Variants in ABCC5 observed in about 807,000 individuals in gnomAD.
The protein encoded by ABCC5 is ATP binding cassette subfamily C member 5, also known as ATP-binding cassette sub-family C member 5.
A neutral mutation model predicts 160.9 loss-of-function variants in ABCC5; 61 were observed. That is an observed-to-expected ratio of 0.38 (90% CI 0.31 to 0.47). ABCC5 has a LOEUF of 0.47. ABCC5 is among the 20% of genes least tolerant of loss of function. The pLI, the probability that ABCC5 is intolerant of heterozygous loss-of-function variation, is 0.99. For missense variants in ABCC5, 1,308 were observed against 1,813.3 expected, an observed-to-expected ratio of 0.72 and a Z score of 5.06; for synonymous variants, 666 against 700.6, an observed-to-expected ratio of 0.95 and a Z score of 0.78.
intron 26 of ABCC5, 47 bp downstream of exon 26, chr3:183,937,854 C>T (rs1342807783): frequency 1.2e-6 from 2 of 1,602,352 alleles, no homozygotes; most frequent in Non-Finnish European, 8.5e-7. Context: ...ACATGCTCAT[C>T]TGGCCTCTAA....
chr3:183,964,902 G>T (rs1717077517), intron 14 of ABCC5, among the ~76,000 whole-genome samples: 1 of 152,230 alleles, frequency 6.6e-6, no homozygotes, highest in African/African-American at 2.4e-5. Flanking sequence ...ACGCTTACTT[G>T]TAGTTTTAAA....
rs761387868 is a variant in ABCC5 at position 183,981,922 on chromosome 3, G to A, written c.1000-48C>T. 1.9e-6 allele frequency: 3 copies of A among 1,566,252 alleles called. No homozygotes were observed. In the East Asian group the frequency reaches 6.8e-5, roughly 35 times the overall value. On this transcript the variant is annotated intron_variant, in intron 7 of 29. Transcript: ENST00000334444. ...GCCAAATTAAAGCTCATTCAAACTT[G>A]AGAACTACCTAATCTGCTTAAGGTC...
intron 2 of ABCC5, among the ~76,000 whole-genome samples, chr3:183,998,619 G>A (rs1720470743): frequency 6.6e-6 from 1 of 151,974 alleles, no homozygotes; most frequent in African/African-American, 2.4e-5. Flanking sequence ...TCACAGCAGG[G>A]ATTTCAATCC....
intron 2 of ABCC5, among the ~76,000 whole-genome samples, chr3:183,990,420 G>T (rs755144383): frequency 6.6e-6 from 1 of 152,126 alleles, no homozygotes; most frequent in African/African-American, 2.4e-5. Context: ...ACCACTCTTT[G>T]TGTTCTATGT....
chr3:184,009,069 T>A (rs1267115338), intron 2 of ABCC5, among the ~76,000 whole-genome samples: 1 of 152,182 alleles, frequency 6.6e-6, no homozygotes, highest in Non-Finnish European at 1.5e-5. Context: ...CTCACCATGA[T>A]GCCCAGGTTG....
chr3:184,009,172 G>A (rs997507484), intron 2 of ABCC5, among the ~76,000 whole-genome samples: 2 of 152,098 alleles, frequency 1.3e-5, no homozygotes, highest in Non-Finnish European at 2.9e-5. Context: ...CAGGTCTCCT[G>A]CTTCTCGGTT....
chr3:183,983,021 C>A lies in ABCC5; in HGVS notation c.592-14G>T. 6.3e-7 allele frequency: 1 copy of A among 1,597,788 alleles called. No homozygotes were observed. The highest frequency in any genetic ancestry group is 8.6e-7 in the Non-Finnish European group (1 of 1,165,310). On this transcript the variant is annotated splice_polypyrimidine_tract_variant and intron_variant, in intron 5 of 29. Coordinates refer to ENST00000334444, the MANE Select transcript of ABCC5 (RefSeq NM_005688.4). The stretch of plus-strand genomic sequence containing the variant: ...CACCATGAAGGCCTACAGGGAGAGA[C>A]ACACACCACTGTCAACATCTCCACG...
intron 27 of ABCC5, chr3:183,927,765 T>C (rs760175288): frequency 5.2e-5 from 51 of 985,364 alleles, no homozygotes; most frequent in Non-Finnish European, 6.1e-5. Context: ...CAATAGGAAA[T>C]AGTATAGTAA....
intron 5 of ABCC5, chr3:183,983,599 T>C (rs187778980): frequency 3.0e-6 from 1 of 335,962 alleles, no homozygotes; most frequent in African/African-American, 2.2e-5. Context: ...AATGAAAACA[T>C]GTTACCTCAG....
Position 183,981,728 on chromosome 3 carries a change from T to C in ABCC5, c.1146A>G (p.Gln382=), listed in dbSNP as rs7636910. Residue 382 remains glutamine, a splice_region_variant and synonymous_variant, in exon 8 of 30, where the codon CAA becomes CAG. Transcript: ENST00000334444. ...CACATACAAAATCTTTAAACTCACT[T>C]TGAACACTCTGAGAAAATGCTTTGA... is the stretch of plus-strand genomic sequence containing the variant. The part of the protein sequence containing the change: ...AWVKAFSQSV[Q]KIREEERRIL... The C allele has an allele frequency of 0.36, 582,244 of 1,609,032 alleles. 107,038 individuals are homozygous for C. The highest frequency in any genetic ancestry group is 0.46 in the East Asian group (20,569 of 44,748).
At chr3:183,972,022 C>T in intron 10 of ABCC5, 103 bp from the exon 11 acceptor site, 2 of 1,589,604 alleles carry the variant, frequency 1.3e-6, no homozygotes, top group East Asian at 2.2e-5. Context: ...TCAGGCTATA[C>T]AGTGGAAGGA....
chr3:183,969,282 A>G (rs1717517059), intron 11 of ABCC5, among the ~76,000 whole-genome samples: 1 of 152,222 alleles, frequency 6.6e-6, no homozygotes, highest in African/African-American at 2.4e-5. Context: ...ATACAAAGCA[A>G]AAGAATACAT....
In ABCC5 at chr3:183,955,688, G is replaced by A. The variant is rs533198461; in HGVS notation, c.2483-2418C>T. Among the ~76,000 whole-genome samples, 10 of 145,452 alleles carry A rather than the reference G, an allele frequency of 6.9e-5. 1 individual carries two copies. The highest frequency in any genetic ancestry group is 6.5e-4 in the East Asian group (3 of 4,630). ...TGCAGATCTGTGTATATATCACATC[G>A]GTTACATGCAGATCCGTGTGTAAAT... On this transcript the variant is annotated intron_variant, in intron 17 of 29. Transcript: ENST00000334444.
rs550017687 is a variant in ABCC5 at position 183,927,600 on chromosome 3, G to A, written c.3934-157C>T. 1.4e-5 allele frequency: 14 copies of A among 985,420 alleles called. No individual in the cohort carries two copies. In the African/African-American group the frequency reaches 1.9e-4, roughly 13 times the overall value. 61.0% of individuals were successfully genotyped at this position (985,420 alleles called of 1,614,324 possible). ...GAAGGTGCAGGTGTACTGATCATGC[G>A]TGCTAGGACCCACTTCCAAGGCAGT... On this transcript the variant is annotated intron_variant, in intron 27 of 29. Coordinates refer to ENST00000334444, the MANE Select transcript of ABCC5 (RefSeq NM_005688.4).
chr3:183,987,738 G>A lies in ABCC5; in HGVS notation c.591+32C>T, dbSNP rs1436279660. 6.2e-7 allele frequency: 1 copy of A among 1,614,000 alleles called. No individual in the cohort carries two copies. The highest frequency in any genetic ancestry group is 2.2e-5 in the East Asian group (1 of 44,866). ...TAGAGCTGGCCGTGGCCGGGCCCCT[G>A]GAGACTGTCGGAAAGGATGGTTAGA... is the stretch of plus-strand genomic sequence containing the variant. On this transcript the variant is annotated intron_variant, in intron 5 of 29. Transcript: ENST00000334444. This position sits in a 1 kb window ranked among gnomAD's most constrained non-coding sequence, Gnocchi z 4.2.
chr3:183,925,455 G>C lies in ABCC5; in HGVS notation c.4212+100C>G, dbSNP rs939331821. 3.2e-6 allele frequency: 4 copies of C among 1,269,040 alleles called. No homozygotes were observed. The African/African-American group carries it at 6.0e-5, about 19-fold the overall frequency. The allele number at this position is 1,269,040 out of a possible 1,614,324, so 78.6% of individuals were successfully genotyped here. A position where few individuals can be genotyped will look rare whatever the true frequency, so the allele number is the denominator to read the frequency against. On this transcript the variant is annotated intron_variant, in intron 29 of 29. Coordinates refer to ENST00000334444, the MANE Select transcript of ABCC5 (RefSeq NM_005688.4). ...ATAGCGCTGCTGCAAGTGCTTATCT[G>C]AATGCCCAGAACCCTACAAAGATGG...
At chr3:184,008,295 G>C (rs745374195) in intron 2 of ABCC5, among the ~76,000 whole-genome samples, 1 of 152,102 alleles carries the variant, frequency 6.6e-6, no homozygotes, top group Non-Finnish European at 1.5e-5. Flanking sequence ...ATCAGGGCTC[G>C]TGGAGTCATA....
rs1351241887 is a variant in ABCC5 at position 183,921,575 on chromosome 3, A to C, written c.4213-174T>G. Among the ~76,000 whole-genome samples the C allele has an allele frequency of 6.6e-6, 1 of 151,808 alleles. No individual in the cohort carries two copies. Among genetic ancestry groups the C allele is most frequent in the Non-Finnish European group, 1.5e-5 (1 of 67,970 alleles). On this transcript the variant is annotated intron_variant, in intron 29 of 29. Transcript: ENST00000334444. This position sits in a 1 kb window ranked among gnomAD's most constrained non-coding sequence, Gnocchi z 4.1. ...TTTATTTTCAACTATCCAGGGAGTA[A>C]GGGAAAGGACAGAGAAAATGACTTC...
At chr3:183,966,028 CA>C (rs1717190400) in intron 12 of ABCC5, among the ~76,000 whole-genome samples, 1 of 152,206 alleles carries the variant, frequency 6.6e-6, no homozygotes, top group South Asian at 2.1e-4. Flanking sequence ...TGCCTGCCCA[CA>C]AGCAGTGATG....
Sources: allele counts gnomAD v4.1 joint callset (sites outside exome capture counted in the v4.1 genomes callset), GRCh38; gene constraint gnomAD v4.1.1; non-coding constraint Gnocchi (gnomAD v3.1); transcripts MANE v1.5; gene names NCBI Gene and HGNC (gene_info 2026-07-23, HGNC 2026-07-21).